SERGEF: variants seen among roughly 807,000 people sequenced by gnomAD.
The protein encoded by SERGEF is secretion-regulating guanine nucleotide exchange factor.
Under a neutral mutation model 50.0 loss-of-function variants are expected in SERGEF, and 51 were observed. The ratio of observed to expected loss-of-function variants is 1.02; its 90% CI spans 0.81 to 1.29. SERGEF has a LOEUF of 1.29. Among genes scored for constraint, SERGEF ranks in the 50% most tolerant of loss-of-function variants. The pLI is 0.00. For missense variants in SERGEF, 521 were observed against 557.0 expected, an observed-to-expected ratio of 0.94 and a Z score of 0.65; for synonymous variants, 205 against 212.4, an observed-to-expected ratio of 0.97 and a Z score of 0.30.
chr11:17,933,675 A>G (rs917298435), intron 9 of SERGEF, among the ~76,000 whole-genome samples: 5 of 151,874 alleles, frequency 3.3e-5, no homozygotes, highest in Non-Finnish European at 7.4e-5. Flanking sequence ...TAAACCCTCT[A>G]TTGAAGAACA....
At chr11:17,887,598 A>T (rs1851454408) in intron 9 of SERGEF, among the ~76,000 whole-genome samples, 1 of 152,196 alleles carries the variant, frequency 6.6e-6, no homozygotes, top group African/African-American at 2.4e-5. Flanking sequence ...AATAACTGGA[A>T]CTCTTACACT....
chr11:17,813,967 G>C (rs1299048006), intron 10 of SERGEF, among the ~76,000 whole-genome samples: 2 of 152,224 alleles, frequency 1.3e-5, no homozygotes, highest in Non-Finnish European at 2.9e-5. Context: ...GGGACACACA[G>C]ACCCCACTGC....
At chr11:17,998,072 AAAAG>A (rs898215013) in intron 5 of SERGEF, among the ~76,000 whole-genome samples, 3 of 152,148 alleles carry the variant, frequency 2.0e-5, no homozygotes, top group East Asian at 1.9e-4. Context: ...ATTTTTTAAA[AAAAG>A]AAAGAAAGAC....
intron 10 of SERGEF, among the ~76,000 whole-genome samples, chr11:17,872,399 C>A (rs1043188045): frequency 6.6e-6 from 1 of 152,150 alleles, no homozygotes; most frequent in Non-Finnish European, 1.5e-5. Context: ...ATATTATATA[C>A]GTTATACTTC....
intron 10 of SERGEF, among the ~76,000 whole-genome samples, chr11:17,815,072 A>T (rs887159024): frequency 6.6e-6 from 1 of 152,154 alleles, no homozygotes; most frequent in Non-Finnish European, 1.5e-5. Context: ...CTGTAGTTCT[A>T]GCTACTTGGG....
intron 10 of SERGEF, among the ~76,000 whole-genome samples, chr11:17,796,183 T>A (rs1380712116): frequency 6.6e-6 from 1 of 152,152 alleles, no homozygotes; most frequent in Admixed American, 6.5e-5. Flanking sequence ...AATAATAGTA[T>A]TTCCAGGGAC....
chr11:17,797,424 C>G (rs889028139), intron 10 of SERGEF, among the ~76,000 whole-genome samples: 4 of 152,190 alleles, frequency 2.6e-5, no homozygotes, highest in African/African-American at 7.2e-5. Flanking sequence ...ATGCTCTTGG[C>G]CCTGACAGCC....
chr11:17,975,205 AGCCCAT>A (rs1345227436), intron 8 of SERGEF, among the ~76,000 whole-genome samples: 1 of 152,244 alleles, frequency 6.6e-6, no homozygotes, highest in East Asian at 1.9e-4. Flanking sequence ...AAGTAGAGTG[AGCCCAT>A]GTCTCTTTAT....
chr11:18,004,418 A>G, intron 4 of SERGEF, 23 bp downstream of exon 4: 1 of 1,564,234 alleles, frequency 6.4e-7, no homozygotes, highest in South Asian at 1.1e-5. Context: ...GTCATGGGCA[A>G]GCTAAATATT....
At chr11:17,806,821 G>T (rs1345045118) in intron 10 of SERGEF, among the ~76,000 whole-genome samples, 1 of 152,144 alleles carries the variant, frequency 6.6e-6, no homozygotes, top group Non-Finnish European at 1.5e-5. Context: ...GCAGGATTCA[G>T]AGAGGTATGG....
At chr11:17,981,312 T>C (rs997476394) in intron 8 of SERGEF, among the ~76,000 whole-genome samples, 6 of 152,372 alleles carry the variant, frequency 3.9e-5, no homozygotes, top group South Asian at 2.1e-4. Flanking sequence ...AAGATACCTA[T>C]GAATTTCCTT....
chr11:17,916,660 T>G (rs962313160), intron 9 of SERGEF, among the ~76,000 whole-genome samples: 1 of 152,226 alleles, frequency 6.6e-6, no homozygotes, highest in East Asian at 1.9e-4. Context: ...GCACAATACC[T>G]GGCACATAAT....
At chr11:17,853,743 G>C (rs1215819468) in intron 10 of SERGEF, 1 of 152,238 alleles carries the variant, frequency 6.6e-6, no homozygotes, top group Non-Finnish European at 1.5e-5. Flanking sequence ...TGTAATTCCA[G>C]CACTTTGTGA....
At chr11:17,871,552 A>T (rs140498365) in intron 10 of SERGEF, among the ~76,000 whole-genome samples, 1 of 152,282 alleles carries the variant, frequency 6.6e-6, no homozygotes, top group African/African-American at 2.4e-5. Flanking sequence ...TCTACAAGAT[A>T]TAAGGGATGC....
At chr11:17,868,421 T>C (rs546021445) in intron 10 of SERGEF, among the ~76,000 whole-genome samples, 1 of 152,324 alleles carries the variant, frequency 6.6e-6, no homozygotes, top group East Asian at 1.9e-4. Flanking sequence ...TTAGACCACC[T>C]GAGTCTGGAT....
intron 10 of SERGEF, among the ~76,000 whole-genome samples, chr11:17,821,621 C>A (rs1012316961): frequency 3.3e-5 from 5 of 152,206 alleles, no homozygotes; most frequent in African/African-American, 1.2e-4. Context: ...TCCTCATTCC[C>A]TTACAAACAC....
intron 10 of SERGEF, among the ~76,000 whole-genome samples, chr11:17,815,476 G>A (rs569760061): frequency 2.6e-4 from 40 of 151,544 alleles, no homozygotes; most frequent in Non-Finnish European, 5.6e-4. Context: ...TTAGCCGGGC[G>A]TGGTGGCACA....
intron 10 of SERGEF, among the ~76,000 whole-genome samples, chr11:17,814,502 T>C (rs1373587345): frequency 6.6e-6 from 1 of 152,194 alleles, no homozygotes; most frequent in East Asian, 1.9e-4. Flanking sequence ...TTCTCTGAGA[T>C]GGAGGTAGAG....
intron 10 of SERGEF, among the ~76,000 whole-genome samples, chr11:17,827,587 T>A (rs1165292500): frequency 6.6e-6 from 1 of 152,212 alleles, no homozygotes; most frequent in Admixed American, 6.5e-5. Context: ...CCTACTTGCC[T>A]TGGGTGCCCT....
Sources: allele counts gnomAD v4.1 joint callset (sites outside exome capture counted in the v4.1 genomes callset), GRCh38; gene constraint gnomAD v4.1.1; transcripts MANE v1.5; gene names NCBI Gene and HGNC (gene_info 2026-07-23, HGNC 2026-07-21).